The following ST7 variants were observed in gnomAD, a reference collection of about 807,000 sequenced individuals.
The protein encoded by ST7 is suppressor of tumorigenicity 7 protein.
A neutral mutation model predicts 78.7 loss-of-function variants in ST7; 28 were observed. The observed-to-expected ratio is 0.36, with a 90% CI of 0.26 to 0.49. The LOEUF (loss-of-function observed/expected upper bound fraction) is 0.49, where lower values mean the gene tolerates loss of function less well. Ranked by LOEUF, ST7 falls within the 20% of genes least tolerant of loss-of-function variation. The probability of loss-of-function intolerance (pLI) is 0.99; values close to 1 mark genes in which losing one functional copy is unlikely to be tolerated. For missense variants in ST7, 418 were observed against 696.0 expected, an observed-to-expected ratio of 0.60 and a Z score of 4.49; for synonymous variants, 247 against 249.6, an observed-to-expected ratio of 0.99 and a Z score of 0.10.
At chr7:117,006,240 T>A (rs1795153302) in intron 1 of ST7, among the ~76,000 whole-genome samples, 1 of 152,258 alleles carries the variant, frequency 6.6e-6, no homozygotes, top group Non-Finnish European at 1.5e-5. Flanking sequence ...TTGTTATGAA[T>A]CTGTCATCCT....
chr7:116,955,997 CAGAG>C (rs1266064062), intron 1 of ST7, among the ~76,000 whole-genome samples: 1 of 152,146 alleles, frequency 6.6e-6, no homozygotes, highest in African/African-American at 2.4e-5. Flanking sequence ...GGGAAGCACA[CAGAG>C]AGCACTCACC....
rs746481433 is a variant in ST7 at position 117,209,820 on chromosome 7, C to T, written c.1288C>T (p.Pro430Ser). ...AGAAATGAAAAGCTTAATCCTACCCCCAGAACATATCCTGAAGAGAGGAGA... is the reference window on the plus strand; with the variant it reads ...AGAAATGAAAAGCTTAATCCTACCCTCAGAACATATCCTGAAGAGAGGAGA... ...LLEMKSLILPPEHILKRGDSE... is the reference protein window; with the variant it reads ...LLEMKSLILPSEHILKRGDSE... The change falls in exon 13 of 16, where the codon CCA becomes TCA. Residue 430 changes from proline to serine, a missense_variant. This residue lies in a region of ST7 where 288 missense variants were observed against 537.1 expected (regional missense o/e 0.54). Coordinates refer to ENST00000323984, the MANE Select transcript of ST7 (RefSeq NM_001369598.1). 1.2e-6 allele frequency: 2 copies of T among 1,613,990 alleles called. No homozygotes were observed. Among genetic ancestry groups the T allele is most frequent in the Admixed American group, 3.3e-5 (2 of 60,010 alleles).
At chr7:117,165,107 T>C (rs1002545690) in intron 9 of ST7, among the ~76,000 whole-genome samples, 2 of 152,144 alleles carry the variant, frequency 1.3e-5, no homozygotes, top group Admixed American at 1.3e-4. Flanking sequence ...TGGCGTGTAA[T>C]AGTCTGGTTT....
intron 9 of ST7, among the ~76,000 whole-genome samples, chr7:117,147,343 A>G (rs768927194): frequency 6.6e-6 from 1 of 152,278 alleles, no homozygotes; most frequent in Non-Finnish European, 1.5e-5. Flanking sequence ...TATACGTGCT[A>G]GATTCCAGTG....
At chr7:117,006,538 T>C (rs1426309556) in intron 1 of ST7, among the ~76,000 whole-genome samples, 1 of 152,242 alleles carries the variant, frequency 6.6e-6, no homozygotes. Flanking sequence ...ATAATTGCCA[T>C]TTAAAGTTAA....
At chr7:117,101,899 G>A (rs958982501) in intron 2 of ST7, among the ~76,000 whole-genome samples, 7 of 152,166 alleles carry the variant, frequency 4.6e-5, no homozygotes, top group African/African-American at 1.7e-4. Flanking sequence ...CCAAGTTGAG[G>A]TGAAGCATAT....
intron 10 of ST7, among the ~76,000 whole-genome samples, chr7:117,183,472 G>T (rs1405415220): frequency 1.3e-5 from 2 of 151,360 alleles, no homozygotes; most frequent in Middle Eastern, 3.2e-3. Flanking sequence ...ATTACATATA[G>T]TTACAGGTAC....
intron 1 of ST7, among the ~76,000 whole-genome samples, chr7:117,047,226 T>G (rs1292103853): frequency 6.6e-6 from 1 of 152,178 alleles, no homozygotes; most frequent in Non-Finnish European, 1.5e-5. Flanking sequence ...TTTTTTTCCC[T>G]AGGTAAAAAG....
chr7:117,193,053 A>G (rs1407873690), intron 12 of ST7, among the ~76,000 whole-genome samples: 1 of 151,970 alleles, frequency 6.6e-6, no homozygotes, highest in Non-Finnish European at 1.5e-5. Flanking sequence ...TCCGTGGGGA[A>G]CGGGTCCTGG....
intron 2 of ST7, among the ~76,000 whole-genome samples, chr7:117,101,482 C>A (rs756345567): frequency 6.6e-6 from 1 of 152,064 alleles, no homozygotes; most frequent in Non-Finnish European, 1.5e-5. Context: ...AGTTAGAATC[C>A]CTGAGTTCGT....
At chr7:117,109,010 AG>A (rs1239899842) in intron 2 of ST7, among the ~76,000 whole-genome samples, 1 of 152,160 alleles carries the variant, frequency 6.6e-6, no homozygotes, top group Non-Finnish European at 1.5e-5. Context: ...ATGAGTCTTT[AG>A]GGTTTTCTAG....
At position 117,097,916 on chromosome 7, in the gene ST7, T is replaced by A. The variant is rs1188650996; in HGVS notation, c.152-1846T>A. On this transcript the variant is annotated intron_variant, in intron 1 of 15. Coordinates refer to ENST00000323984, the MANE Select transcript of ST7 (RefSeq NM_001369598.1). ...TATATATATATATATATATTTTTTTTTTTTTTTTTTTTGATGGCCAGGCAA... is the reference window on the plus strand; with the variant it reads ...TATATATATATATATATATTTTTTTATTTTTTTTTTTTGATGGCCAGGCAA... Among the ~76,000 whole-genome samples the A allele has an allele frequency of 9.6e-3, 188 of 19,488 alleles. 1 individual carries two copies. The highest frequency in any genetic ancestry group is 0.031 in the Middle Eastern group (1 of 32). The allele number at this position is 19,488 out of a possible 152,430, so 12.8% of individuals were successfully genotyped here.
At chr7:117,226,025 T>C (rs1036596864) in intron 15 of ST7, among the ~76,000 whole-genome samples, 9 of 152,228 alleles carry the variant, frequency 5.9e-5, no homozygotes, top group African/African-American at 1.9e-4. Context: ...GACCCCTCTG[T>C]CTTTCCTTCT....
chr7:117,046,973 A>G (rs1797524334), intron 1 of ST7, among the ~76,000 whole-genome samples: 1 of 152,230 alleles, frequency 6.6e-6, no homozygotes, highest in Admixed American at 6.5e-5. Flanking sequence ...CTTACCTAAC[A>G]GTGTTGCCAG....
At chr7:117,164,240 T>G (rs2117230180) in intron 9 of ST7, among the ~76,000 whole-genome samples, 1 of 152,296 alleles carries the variant, frequency 6.6e-6, no homozygotes, top group African/African-American at 2.4e-5. Flanking sequence ...CCGTTGTCAC[T>G]GGAGAAAGGA....
At chr7:117,169,676 C>A (rs560917926) in intron 9 of ST7, among the ~76,000 whole-genome samples, 1 of 152,230 alleles carries the variant, frequency 6.6e-6, no homozygotes, top group African/African-American at 2.4e-5. Context: ...TCAACCTAAT[C>A]ATTTGACATC....
intron 9 of ST7, chr7:117,145,362 A>G (rs1805680735): frequency 1.3e-5 from 2 of 152,194 alleles, no homozygotes; most frequent in African/African-American, 4.8e-5. Context: ...GCCCCAAACT[A>G]GATAGTTTAA....
chr7:116,974,375 C>T (rs535689245), intron 1 of ST7, among the ~76,000 whole-genome samples: 3 of 151,886 alleles, frequency 2.0e-5, no homozygotes, highest in Admixed American at 6.6e-5. Flanking sequence ...GCAAGCTCCG[C>T]CTCCTGGGTT....
chr7:116,955,058 C>G (rs1490255593), intron 1 of ST7: 2 of 467,128 alleles, frequency 4.3e-6, no homozygotes. Context: ...GCTGCTCAGC[C>G]CTTTTGAGTC....
Sources: gnomAD v4.1 joint callset for allele counts (sites outside exome capture counted in the v4.1 genomes callset) on GRCh38, gnomAD v4.1.1 for gene constraint, gnomAD v4.1.1 regional missense constraint, MANE v1.5 for transcripts, NCBI Gene and HGNC (gene_info 2026-07-23, HGNC 2026-07-21) for gene names.